The following PIGB variants were observed in gnomAD, a reference collection of about 807,000 sequenced individuals.
PIGB encodes GPI alpha-1,2-mannosyltransferase 3.
PIGB carries 58 observed loss-of-function variants against 68.4 expected under a neutral mutation model. The observed-to-expected ratio is 0.85, with a 90% CI of 0.69 to 1.06. The LOEUF (loss-of-function observed/expected upper bound fraction) is 1.06. Among genes scored for constraint, PIGB ranks in the 50% least tolerant of loss-of-function variants. The pLI is 0.00. For missense variants in PIGB, 634 were observed against 655.8 expected (o/e 0.97, Z 0.36); for synonymous variants, 219 against 220.5 (o/e 0.99, Z 0.06).
At chr15:55,339,393 T>A in intron 7 of PIGB, 75 bp downstream of exon 7, 1 of 933,728 alleles carries the variant, frequency 1.1e-6, no homozygotes, top group African/African-American at 1.7e-5. Flanking sequence ...AGGCAAATGA[T>A]TTTTTAAATG....
At chr15:55,341,187 C>T (rs1404273345) in intron 8 of PIGB, among the ~76,000 whole-genome samples, 2 of 152,016 alleles carry the variant, frequency 1.3e-5, no homozygotes, top group Non-Finnish European at 2.9e-5. Context: ...ATAGCAAGAC[C>T]CTCTCTCTGA....
intron 6 of PIGB, among the ~76,000 whole-genome samples, chr15:55,336,540 T>C (rs1434100814): frequency 6.6e-6 from 1 of 152,212 alleles, no homozygotes; most frequent in Non-Finnish European, 1.5e-5. Context: ...ACAAAGCCTA[T>C]TTCATAATAA....
chr15:55,320,184 A>C, intron 1 of PIGB, 91 bp from the exon 2 acceptor site: 2 of 1,281,526 alleles, frequency 1.6e-6, no homozygotes, highest in Middle Eastern at 2.0e-4. Context: ...TGTGCCTTAC[A>C]AGGAGCCAAC....
intron 5 of PIGB, among the ~76,000 whole-genome samples, chr15:55,330,486 G>A (rs2055388886): frequency 6.6e-6 from 1 of 152,172 alleles, no homozygotes; most frequent in Non-Finnish European, 1.5e-5. Context: ...ATGGGAACAT[G>A]AGTGAAGGCA....
In PIGB at chr15:55,319,330, G is replaced by T. The variant is rs1379465610; in HGVS notation, c.80G>T (p.Arg27Leu). 15 of 1,587,498 alleles carry T rather than the reference G, an allele frequency of 9.4e-6. No individual in the cohort carries two copies. The highest frequency in any genetic ancestry group is 6.0e-6 in the Non-Finnish European group (7 of 1,166,810). ...CTCACTTTGCATGGTCTCCAGAACC[G>T]CTCCCACGGCAAGATAAAGCTGCGA... Reference protein sequence around the residue: ...ASLTLHGLQNRSHGKIKLRKR... With the variant: ...ASLTLHGLQNLSHGKIKLRKR... Residue 27 changes from arginine (R) to leucine (L), a missense_variant, in exon 1 of 12, where the codon CGC becomes CTC. Coordinates refer to ENST00000164305, the MANE Select transcript of PIGB (RefSeq NM_004855.5).
chr15:55,352,598 G>C (rs117277834), intron 10 of PIGB, among the ~76,000 whole-genome samples: 7,625 of 152,082 alleles, frequency 0.05, 267 homozygotes, highest in East Asian at 0.15. Flanking sequence ...ACTAGCCTGG[G>C]CCACATGGTG....
intron 3 of PIGB, among the ~76,000 whole-genome samples, chr15:55,323,350 T>C (rs1419893123): frequency 6.6e-6 from 1 of 152,166 alleles, no homozygotes; most frequent in Non-Finnish European, 1.5e-5. Flanking sequence ...CAGCTAGGCA[T>C]GGTGGCTCAC....
Position 55,327,613 on chromosome 15 carries a change from A to G in PIGB, c.500A>G (p.Asn167Ser), listed in dbSNP as rs1173393639. ...TACTCATTAATGAAGCAACTAGAAAATCAGGAAGTGGCAAGATGGGTGGTA... is the reference window on the plus strand; with the variant it reads ...TACTCATTAATGAAGCAACTAGAAAGTCAGGAAGTGGCAAGATGGGTGGTA... The part of the protein sequence containing the change: ...RLYSLMKQLE[N>S]QEVARWVFFC... Residue 167 changes from asparagine (N) to serine (S), a missense_variant, in exon 4 of 12, where the codon AAT (asparagine) becomes AGT (serine). Coordinates refer to ENST00000164305, the MANE Select transcript of PIGB (RefSeq NM_004855.5). 1.2e-5 allele frequency: 19 copies of G among 1,609,698 alleles called. No individual in the cohort carries two copies. The highest frequency in any genetic ancestry group is 1.4e-5 in the Non-Finnish European group (17 of 1,177,250).
At chr15:55,330,157 A>G (rs951614733) in intron 5 of PIGB, among the ~76,000 whole-genome samples, 2 of 152,202 alleles carry the variant, frequency 1.3e-5, no homozygotes, top group Non-Finnish European at 2.9e-5. Context: ...CCCAAGGAGC[A>G]AGGAGAAGAA....
intron 5 of PIGB, 79 bp downstream of exon 5, chr15:55,329,933 T>C: frequency 1.0e-6 from 1 of 998,962 alleles, no homozygotes; most frequent in Non-Finnish European, 1.5e-6. Context: ...TTGTAATGTC[T>C]AGTAGACCCC....
At chr15:55,319,492 C>A in intron 1 of PIGB, 79 bp downstream of exon 1, 1 of 1,090,460 alleles carries the variant, frequency 9.2e-7, no homozygotes, top group Non-Finnish European at 1.3e-6. Context: ...CAGCCAGTTG[C>A]CCGTTGAGCT....
chr15:55,321,950 G>A (rs529533880), intron 3 of PIGB, among the ~76,000 whole-genome samples: 17 of 147,170 alleles, frequency 1.2e-4, no homozygotes, highest in South Asian at 9.2e-4. Flanking sequence ...CGAGGCGGGC[G>A]GATCACCTGA....
intron 3 of PIGB, among the ~76,000 whole-genome samples, chr15:55,327,287 CACAT>C (rs540249149): frequency 2.0e-3 from 296 of 148,908 alleles, no homozygotes; most frequent in African/African-American, 6.6e-3. Flanking sequence ...TATATACACA[CACAT>C]ACAGAGAATG....
chr15:55,354,727 G>A, intron 10 of PIGB, 71 bp from the exon 11 acceptor site: 1 of 1,194,200 alleles, frequency 8.4e-7, no homozygotes, highest in Non-Finnish European at 1.2e-6. Context: ...AAGTATAAAT[G>A]ACATATCTTA....
intron 10 of PIGB, 128 bp from the exon 11 acceptor site, chr15:55,354,670 T>A: frequency 1.4e-6 from 1 of 689,872 alleles, no homozygotes; most frequent in Non-Finnish European, 2.3e-6. Flanking sequence ...GCTTGCTTCT[T>A]CACTTAACTG....
chr15:55,325,376 T>C (rs183732954), intron 3 of PIGB, among the ~76,000 whole-genome samples: 1 of 152,284 alleles, frequency 6.6e-6, no homozygotes, highest in African/African-American at 2.4e-5. Context: ...TATAAATTTT[T>C]AGAAACACAT....
At chr15:55,338,481 C>T (rs1334375285) in intron 6 of PIGB, among the ~76,000 whole-genome samples, 3 of 152,056 alleles carry the variant, frequency 2.0e-5, no homozygotes, top group South Asian at 4.1e-4. Context: ...CCCATCTCTA[C>T]AGAAAATCCA....
Position 55,320,714 on chromosome 15 carries a change from GTC to G in PIGB, c.299+311_299+312del, listed in dbSNP as rs760940999. On this transcript the variant is annotated intron_variant, in intron 2 of 11. Transcript: ENST00000164305. The stretch of plus-strand genomic sequence containing the variant: ...TAAAAGTTATGTGAACTTTTATGTG[GTC>G]TCTCTCAAAATATCTTCATATTTTC... Among the ~76,000 whole-genome samples the G allele has an allele frequency of 1.1e-4, 17 of 152,176 alleles. 1 individual carries two copies. The highest frequency in any genetic ancestry group is 7.2e-4 in the Admixed American group (11 of 15,278).
intron 3 of PIGB, among the ~76,000 whole-genome samples, chr15:55,327,313 ACTT>A (rs2055315654): frequency 6.6e-6 from 1 of 150,798 alleles, no homozygotes; most frequent in Non-Finnish European, 1.5e-5. Context: ...GACTGGTAAA[ACTT>A]AAAACTACAT....
Sources: gnomAD v4.1 joint callset for allele counts (sites outside exome capture counted in the v4.1 genomes callset) on GRCh38, gnomAD v4.1.1 for gene constraint, MANE v1.5 for transcripts, NCBI Gene and HGNC (gene_info 2026-07-23, HGNC 2026-07-21) for gene names.